Variants in UNC13C observed in about 807,000 individuals in gnomAD.
UNC13C encodes unc-13 homolog C.
Under a neutral mutation model 245.4 loss-of-function variants are expected in UNC13C, and 174 were observed. The observed-to-expected ratio is 0.71, with a 90% CI of 0.63 to 0.80. The LOEUF is 0.80. Among genes scored for constraint, UNC13C ranks in the 30% least tolerant of loss-of-function variants. UNC13C has a pLI of 0.00. For synonymous variants in UNC13C, 992 were observed against 895.1 expected, an observed-to-expected ratio of 1.11 and a Z score of -1.93; for missense variants, 2,829 against 2,602.9, an observed-to-expected ratio of 1.09 and a Z score of -1.89.
At chr15:54,424,478 C>T (rs935598134) in intron 19 of UNC13C, among the ~76,000 whole-genome samples, 1 of 151,800 alleles carries the variant, frequency 6.6e-6, no homozygotes, top group Non-Finnish European at 1.5e-5. Flanking sequence ...GTTGGGTTGA[C>T]TGTCAATTAC....
intron 23 of UNC13C, among the ~76,000 whole-genome samples, chr15:54,509,915 C>G (rs1047418426): frequency 6.6e-6 from 1 of 152,124 alleles, no homozygotes; most frequent in Non-Finnish European, 1.5e-5. Flanking sequence ...AACTGCATCT[C>G]CTCTTTTTTC....
At chr15:53,974,763 A>G (rs975435596), upstream of UNC13C, 5 of 151,676 alleles carry the variant, frequency 3.3e-5, no homozygotes, top group African/African-American at 1.2e-4. Flanking sequence ...CATTTAAACA[A>G]TGAACATTTA....
intron 4 of UNC13C, among the ~76,000 whole-genome samples, chr15:54,196,036 T>A (rs934426803): frequency 3.9e-5 from 6 of 152,108 alleles, no homozygotes; most frequent in African/African-American, 1.4e-4. Context: ...TTATGAACAC[T>A]GAAACAGTTC....
At chr15:54,205,160 C>T (rs1032158621) in intron 4 of UNC13C, among the ~76,000 whole-genome samples, 6 of 151,870 alleles carry the variant, frequency 4.0e-5, no homozygotes, top group Non-Finnish European at 8.8e-5. Flanking sequence ...TATCTTGGGT[C>T]AGGGAATATG....
Position 54,239,058 on chromosome 15 carries a change from T to C in UNC13C, c.3228+1368T>C, listed in dbSNP as rs2035782691. On this transcript the variant is annotated intron_variant, in intron 7 of 32. Transcript: ENST00000260323. The stretch of plus-strand genomic sequence containing the variant: ...TGCTGGGGATTTACTTGAGACAGTT[T>C]ATCTGTGTCCCTCCCTATGCCTGGA... Among the ~76,000 whole-genome samples the C allele has an allele frequency of 2.0e-5, 3 of 152,230 alleles. No homozygotes were observed. In the South Asian group the frequency reaches 6.2e-4, roughly 32 times the overall value.
rs554466406 is a variant in UNC13C, at chr15:54,546,713, T to C, written c.5697-9T>C. On this transcript the variant is annotated splice_polypyrimidine_tract_variant and intron_variant, in intron 26 of 32. Transcript: ENST00000260323. ...TAAAAGTGAATATATATATATATTT[T>C]TTTTTCAGATTAAGTCTCTCAGCAA... is the stretch of plus-strand genomic sequence containing the variant. The C allele has an allele frequency of 6.9e-7, 1 of 1,456,652 alleles. No homozygotes were observed. Among genetic ancestry groups the C allele is most frequent in the South Asian group, 1.4e-5 (1 of 69,284 alleles). 90.2% of individuals were successfully genotyped at this position (1,456,652 alleles called of 1,614,324 possible). A position where few individuals can be genotyped will look rare whatever the true frequency, so the allele number is the denominator to read the frequency against.
At chr15:54,006,326 T>C (rs1895134763) in intron 1 of UNC13C, among the ~76,000 whole-genome samples, 1 of 152,214 alleles carries the variant, frequency 6.6e-6, no homozygotes, top group Non-Finnish European at 1.5e-5. Context: ...TTAAAGAGTA[T>C]GCTTGAGTCA....
chr15:54,429,901 A>G (rs2140973147), intron 19 of UNC13C, among the ~76,000 whole-genome samples: 1 of 151,820 alleles, frequency 6.6e-6, no homozygotes, highest in South Asian at 2.1e-4. Flanking sequence ...TGGAGAATAA[A>G]ACTGAATTTT....
intron 2 of UNC13C, among the ~76,000 whole-genome samples, chr15:54,137,870 CTTAG>C (rs1373168786): frequency 6.6e-6 from 1 of 151,678 alleles, no homozygotes; most frequent in Non-Finnish European, 1.5e-5. Flanking sequence ...TGACATTGGG[CTTAG>C]TTTGTTTGGT....
intron 17 of UNC13C, among the ~76,000 whole-genome samples, chr15:54,349,474 G>C (rs1481022252): frequency 6.6e-6 from 1 of 151,730 alleles, no homozygotes; most frequent in African/African-American, 2.4e-5. Flanking sequence ...TTCTAAAACT[G>C]AATTATGACA....
chr15:54,626,799 C>T (rs1289013593), intron 32 of UNC13C, 29 bp from the exon 33 acceptor site: 1 of 1,584,762 alleles, frequency 6.3e-7, no homozygotes, highest in Non-Finnish European at 8.6e-7. Flanking sequence ...AAAGTTTTTG[C>T]TCAAAATTTG....
chr15:53,900,984 G>A, the UNC13C span, among the ~76,000 whole-genome samples: 2 of 151,880 alleles, frequency 1.3e-5, no homozygotes, highest in African/African-American at 2.4e-5. Flanking sequence ...AGTTTGGTAT[G>A]TATTTTCTCA....
chr15:54,345,429 T>C (rs1352852336), intron 17 of UNC13C, among the ~76,000 whole-genome samples: 1 of 152,122 alleles, frequency 6.6e-6, no homozygotes, highest in Non-Finnish European at 1.5e-5. Context: ...GATGAAGAGA[T>C]ATGGGAAAAG....
intron 4 of UNC13C, among the ~76,000 whole-genome samples, chr15:54,186,472 T>A (rs908015154): frequency 1.3e-5 from 2 of 152,178 alleles, no homozygotes; most frequent in African/African-American, 2.4e-5. Flanking sequence ...ATGTAATCAA[T>A]TGGTATATCA....
At chr15:54,219,455 G>A (rs1423789966) in intron 4 of UNC13C, among the ~76,000 whole-genome samples, 2 of 151,838 alleles carry the variant, frequency 1.3e-5, no homozygotes, top group South Asian at 2.1e-4. Flanking sequence ...AATTCAAGAT[G>A]GATTAAAGAC....
intron 4 of UNC13C, among the ~76,000 whole-genome samples, chr15:54,185,554 C>T (rs1021234908): frequency 4.0e-5 from 6 of 150,838 alleles, no homozygotes; most frequent in African/African-American, 1.5e-4. Flanking sequence ...TTGTTTTTGT[C>T]AGGTTTGTCA....
At chr15:54,365,761 AG>A (rs1219807870) in intron 17 of UNC13C, among the ~76,000 whole-genome samples, 20 of 150,332 alleles carry the variant, frequency 1.3e-4, no homozygotes, top group Non-Finnish European at 2.8e-4. Flanking sequence ...AAAGAAAAAA[AG>A]AAAAAAAAAA....
chr15:54,431,626 T>C (rs1166041609), intron 19 of UNC13C, among the ~76,000 whole-genome samples: 1 of 151,706 alleles, frequency 6.6e-6, no homozygotes, highest in East Asian at 1.9e-4. Context: ...TAATTGCCAC[T>C]GAGGAAGTAT....
rs78823329 is a variant in UNC13C at position 54,510,168 on chromosome 15, G to A, written c.5380-1585G>A. 8.7e-4 allele frequency among the ~76,000 whole-genome samples: 132 copies of A among 152,256 alleles called. 3 individuals are homozygous for A. The East Asian group carries it at 0.023, about 27-fold the overall frequency. ...AAGCTAACTTAGACATGGGAAACAAGGTGATAATAACCACTCACTTGTGTA... is the reference window on the plus strand; with the variant it reads ...AAGCTAACTTAGACATGGGAAACAAAGTGATAATAACCACTCACTTGTGTA... On this transcript the variant is annotated intron_variant, in intron 23 of 32. Transcript: ENST00000260323.
Sources: gnomAD v4.1 joint callset for allele counts (sites outside exome capture counted in the v4.1 genomes callset) on GRCh38, gnomAD v4.1.1 for gene constraint, MANE v1.5 for transcripts, NCBI Gene and HGNC (gene_info 2026-07-23, HGNC 2026-07-21) for gene names.